ENO3: variants seen among roughly 807,000 people sequenced by gnomAD.
ENO3 encodes the protein beta-enolase.
A neutral mutation model predicts 47.7 loss-of-function variants in ENO3; 46 were observed. The observed-to-expected ratio is 0.96, with a 90% CI of 0.76 to 1.23. The LOEUF is 1.23. Ranked by LOEUF, ENO3 falls within the 50% of genes most tolerant of loss-of-function variation. ENO3 has a pLI of 0.00. For synonymous variants in ENO3, 223 were observed against 225.9 expected (o/e 0.99, Z 0.11); for missense variants, 575 against 566.2 (o/e 1.02, Z -0.16).
rs963982168 is a variant in ENO3 at position 4,952,840 on chromosome 17, A to G, written c.131A>G (p.Tyr44Cys). Residue 44 changes from tyrosine to cysteine, a missense_variant, in exon 3 of 12, where the codon TAT becomes TGT. Coordinates refer to ENST00000519602, the MANE Select transcript of ENO3 (RefSeq NM_053013.4). ...CCCAGTGGGGCTTCCACGGGTATCT[A>G]TGAGGCTCTGGAACTAAGAGACGGA... ...AVPSGASTGIYEALELRDGDK... is the reference protein window; with the variant it reads ...AVPSGASTGICEALELRDGDK... 14 of 1,612,278 alleles carry G rather than the reference A, an allele frequency of 8.7e-6. No homozygotes were observed. The highest frequency in any genetic ancestry group is 2.2e-5 in the East Asian group (1 of 44,878).
At chr17:4,949,560 G>A (rs1037603232), upstream of ENO3, among the ~76,000 whole-genome samples, 5 of 152,082 alleles carry the variant, frequency 3.3e-5, no homozygotes, top group African/African-American at 1.2e-4. Context: ...GTCCCACTTC[G>A]GGCCCTTTGG....
intron 6 of ENO3, 120 bp downstream of exon 6, chr17:4,953,965 A>G: frequency 6.8e-7 from 1 of 1,473,636 alleles, no homozygotes; most frequent in Non-Finnish European, 9.3e-7. Context: ...CAGTTTCCTG[A>G]AATTGAATCT....
At chr17:4,955,736 G>A (rs1447066694) in intron 8 of ENO3, 132 bp downstream of exon 8, 2 of 1,422,310 alleles carry the variant, frequency 1.4e-6, no homozygotes, top group African/African-American at 1.4e-5. Context: ...CCCCATTTAA[G>A]CTCTTCTGCC....
chr17:4,950,425 C>A, upstream of ENO3: 1 of 340,112 alleles, frequency 2.9e-6, no homozygotes, highest in Non-Finnish European at 4.2e-6. Context: ...CGCTGAGCGC[C>A]CACAGTCGAT....
upstream of ENO3, chr17:4,950,980 G>A: frequency 1.0e-6 from 1 of 971,894 alleles, no homozygotes; most frequent in Non-Finnish European, 1.2e-6. Flanking sequence ...CCCAGGGCCA[G>A]AGGCTTCTGC....
At position 4,955,178 on chromosome 17, in the gene ENO3, G is replaced by C. The variant is rs756594079; in HGVS notation, c.548G>C (p.Arg183Pro). ...GCCAGCTCCTTCAAGGAAGCCATGC[G>C]CATTGGCGCCGAGGTCTACCACCAC... ...VGASSFKEAM[R>P]IGAEVYHHLK... Residue 183 changes from arginine (R) to proline (P), a missense_variant, in exon 7 of 12, where the codon CGC becomes CCC. Transcript: ENST00000519602. The C allele has an allele frequency of 1.2e-6, 2 of 1,614,120 alleles. No homozygotes were observed. Among genetic ancestry groups the C allele is most frequent in the East Asian group, 4.5e-5 (2 of 44,896 alleles).
chr17:4,956,117 C>T lies in ENO3; in HGVS notation c.1041C>T (p.Ile347=), dbSNP rs114208569. 2,265 of 1,613,986 alleles carry T rather than the reference C, an allele frequency of 1.4e-3. 28 individuals carry two copies. In the African/African-American group the frequency reaches 0.025, roughly 18 times the overall value. ...CNCLLLKVNQ[I]GSVTESIQAC... ...GTCTGCTGCTGAAGGTCAACCAGAT[C>T]GGCTCGGTGACCGAATCGATCCAGG... Residue 347 remains isoleucine (I), a synonymous_variant, in exon 9 of 12, where the codon ATC becomes ATT. Transcript: ENST00000519602.
chr17:4,950,602 G>A (rs112008527), upstream of ENO3: 25 of 985,462 alleles, frequency 2.5e-5, no homozygotes, highest in Admixed American at 2.5e-4. Context: ...GGGCGGCGCC[G>A]AGAATGGCCG....
At position 4,953,711 on chromosome 17, in the gene ENO3, GC is replaced by G. The variant is rs1971624666; in HGVS notation, c.312del (p.Lys105SerfsTer48). 6.2e-7 allele frequency: 1 copy of G among 1,614,090 alleles called. No individual in the cohort carries two copies. Among genetic ancestry groups the G allele is most frequent in the African/African-American group, 1.3e-5 (1 of 74,912 alleles). ...CTTTCTTCCCGCTTGCCTCCTTCCA[GC>G]CAAGTTTGGGGCCAATGCCATCCTG... ...MIELDGTENK[S>X]KFGANAILGV... is the part of the protein sequence containing the mutation. On this transcript the variant is annotated frameshift_variant and splice_region_variant, in exon 6 of 12. Coordinates refer to ENST00000519602, the MANE Select transcript of ENO3 (RefSeq NM_053013.4). LOFTEE classifies it high-confidence loss of function.
At chr17:4,954,164 C>G in intron 6 of ENO3, 1 of 444,812 alleles carries the variant, frequency 2.2e-6, no homozygotes, top group South Asian at 2.4e-5. Context: ...AGGCAAAGAT[C>G]TTGGCATTTC....
chr17:4,956,882 C>T lies in ENO3; in HGVS notation c.1228C>T (p.Leu410Phe). 1 of 1,614,244 alleles carries T rather than the reference C, an allele frequency of 6.2e-7. No homozygotes were observed. The highest frequency in any genetic ancestry group is 1.1e-5 in the South Asian group (1 of 91,090). Residue 410 changes from leucine to phenylalanine, a missense_variant, in exon 11 of 12, where the codon CTC becomes TTC. Leu to Phe is a conservative substitution (Grantham distance 22). Coordinates refer to ENST00000519602, the MANE Select transcript of ENO3 (RefSeq NM_053013.4). ...GGAGCGTCTGGCCAAATACAACCAACTCATGAGGTACAGCGGGAACAGTGG... is the reference window on the plus strand; with the variant it reads ...GGAGCGTCTGGCCAAATACAACCAATTCATGAGGTACAGCGGGAACAGTGG... ...RSERLAKYNQ[L>F]MRIEEALGDK...
chr17:4,955,623 C>T lies in ENO3; in HGVS notation c.865+19C>T, dbSNP rs1971700633. On this transcript the variant is annotated intron_variant, in intron 8 of 11. Coordinates refer to ENST00000519602, the MANE Select transcript of ENO3 (RefSeq NM_053013.4). ...TATCCTGGTGAGGCGTTCGGGTGTC[C>T]CAGTGTTCCTGCCCGAATCCCGTGC... 1 of 1,613,990 alleles carries T rather than the reference C, an allele frequency of 6.2e-7. No individual in the cohort carries two copies. The highest frequency in any genetic ancestry group is 1.3e-5 in the African/African-American group (1 of 74,930).
rs962560593 is a variant in ENO3, at chr17:4,953,914, C to T, written c.444+69C>T. The T allele has an allele frequency of 3.1e-5, 50 of 1,610,078 alleles. No homozygotes were observed. In the Admixed American group the frequency reaches 5.2e-4, roughly 17 times the overall value. On this transcript the variant is annotated intron_variant, in intron 6 of 11. Transcript: ENST00000519602. ...GCCAACCCCGCCCAGCCAGGGTTGGCCCCCCTGGAAAATCCACCTTTCAGA... is the reference window on the plus strand; with the variant it reads ...GCCAACCCCGCCCAGCCAGGGTTGGTCCCCCTGGAAAATCCACCTTTCAGA...
intron 5 of ENO3, among the ~76,000 whole-genome samples, 164 bp downstream of exon 5, chr17:4,953,505 G>T (rs1315128862): frequency 3.9e-5 from 6 of 152,198 alleles, no homozygotes; most frequent in Admixed American, 3.9e-4. Context: ...CCTGCCTTCT[G>T]CCAGGCCTGG....
At chr17:4,949,495 C>T (rs756167629), upstream of ENO3, among the ~76,000 whole-genome samples, 28 of 152,176 alleles carry the variant, frequency 1.8e-4, no homozygotes, top group Admixed American at 3.9e-4. Flanking sequence ...GGCTATTTTT[C>T]GAGGCGGAAG....
intron 5 of ENO3, 64 bp downstream of exon 5, chr17:4,953,405 G>A (rs1452732065): frequency 1.4e-5 from 23 of 1,601,814 alleles, no homozygotes; most frequent in Non-Finnish European, 1.9e-5. Context: ...AGGCCATGGG[G>A]TGAGGCCTGA....
At chr17:4,951,323 G>A in intron 1 of ENO3, 141 bp downstream of exon 1, 3 of 1,000,334 alleles carry the variant, frequency 3.0e-6, no homozygotes, top group Non-Finnish European at 3.6e-6. Context: ...GGGGCGGCTG[G>A]AGCAAGCAGA....
chr17:4,951,103 TGA>T (rs1471586980), upstream of ENO3: 50 of 986,294 alleles, frequency 5.1e-5, no homozygotes, highest in African/African-American at 1.2e-4. Flanking sequence ...ATGCGCAGCC[TGA>T]GAGGGGGTGA....
upstream of ENO3, among the ~76,000 whole-genome samples, chr17:4,949,940 A>T (rs1364372938): frequency 6.7e-6 from 1 of 149,944 alleles, no homozygotes; most frequent in Non-Finnish European, 1.5e-5. Context: ...GGCCCACCGC[A>T]CCCCTACCCC....
Sources: gnomAD v4.1 joint callset for allele counts (sites outside exome capture counted in the v4.1 genomes callset) on GRCh38, gnomAD v4.1.1 for gene constraint, MANE v1.5 for transcripts, NCBI Gene and HGNC (gene_info 2026-07-23, HGNC 2026-07-21) for gene names.